Variants in SPAG16 observed in about 807,000 individuals in gnomAD.
SPAG16 encodes the protein sperm associated antigen 16.
SPAG16 carries 86 observed loss-of-function variants against 80.4 expected under a neutral mutation model. The observed-to-expected ratio is 1.07, with a 90% CI of 0.90 to 1.28. The LOEUF (loss-of-function observed/expected upper bound fraction) is 1.28, where lower values mean the gene tolerates loss of function less well. SPAG16 is among the 50% of genes most tolerant of loss of function. The probability of loss-of-function intolerance (pLI) is 0.00; values close to 1 mark genes in which losing one functional copy is unlikely to be tolerated. For missense variants in SPAG16, 870 were observed against 765.3 expected (o/e 1.14, Z -1.61); for synonymous variants, 294 against 265.9 (o/e 1.11, Z -1.03).
At chr2:214,026,461 A>T (rs2048137822) in intron 13 of SPAG16, among the ~76,000 whole-genome samples, 1 of 151,468 alleles carries the variant, frequency 6.6e-6, no homozygotes, top group African/African-American at 2.4e-5. Flanking sequence ...TGAAAGAATA[A>T]ATCTGCATAA....
chr2:213,563,181 G>C (rs2059650275), intron 10 of SPAG16, among the ~76,000 whole-genome samples: 1 of 151,818 alleles, frequency 6.6e-6, no homozygotes, highest in South Asian at 2.1e-4. Context: ...ATTAATTTTG[G>C]TTTTATATTC....
intron 10 of SPAG16, among the ~76,000 whole-genome samples, chr2:213,860,353 ATATATATATATG>A (rs1366241995): frequency 1.6e-5 from 2 of 127,088 alleles, no homozygotes; most frequent in African/African-American, 2.7e-5. Flanking sequence ...ATATATATAT[ATATATATATATG>A]TGTGTGTGTG....
At chr2:214,097,676 C>CGTGT (rs2052691806) in intron 13 of SPAG16, among the ~76,000 whole-genome samples, 1 of 151,504 alleles carries the variant, frequency 6.6e-6, no homozygotes, top group South Asian at 2.1e-4. Context: ...TGTGTGTGTG[C>CGTGT]GTGTGTGTGC....
intron 10 of SPAG16, among the ~76,000 whole-genome samples, chr2:213,833,246 T>G (rs1200714895): frequency 1.3e-5 from 2 of 148,974 alleles, no homozygotes; most frequent in Non-Finnish European, 3.0e-5. Flanking sequence ...TAAATGCTAT[T>G]GTTGCAGCAG....
At chr2:213,727,207 T>A (rs7585097) in intron 10 of SPAG16, among the ~76,000 whole-genome samples, 141,425 of 152,188 alleles carry the variant, frequency 0.93, 66,620 homozygotes, top group East Asian at 1. Context: ...GCCTTTACTG[T>A]TTCAATCAAT....
At chr2:213,447,323 C>T (rs2071382021) in intron 9 of SPAG16, among the ~76,000 whole-genome samples, 1 of 152,190 alleles carries the variant, frequency 6.6e-6, no homozygotes, top group Non-Finnish European at 1.5e-5. Context: ...ATTCCCCATT[C>T]TGAGCCCAGA....
chr2:214,037,568 C>A (rs2048763187), intron 13 of SPAG16, among the ~76,000 whole-genome samples: 1 of 151,894 alleles, frequency 6.6e-6, no homozygotes, highest in Non-Finnish European at 1.5e-5. Context: ...ACTTCTATAT[C>A]CTGTTCTGTG....
intron 11 of SPAG16, among the ~76,000 whole-genome samples, chr2:213,893,691 T>G (rs1405055235): frequency 1.3e-5 from 2 of 152,040 alleles, no homozygotes; most frequent in African/African-American, 4.8e-5. Flanking sequence ...CTTTATTATA[T>G]CTATAAGATA....
rs71037342 is a variant in SPAG16 at position 214,108,439 on chromosome 2, TCACACACACACACACA to T, written c.1593+204_1593+219del. 8.7e-4 allele frequency among the ~76,000 whole-genome samples: 109 copies of T among 125,124 alleles called. 3 individuals are homozygous for T. The highest frequency in any genetic ancestry group is 3.8e-3 in the Middle Eastern group (1 of 264). 82.1% of individuals were successfully genotyped at this position (125,124 alleles called of 152,430 possible). A position where few individuals can be genotyped will look rare whatever the true frequency, so the allele number is the denominator to read the frequency against. ...ATATAGGGTTGCAGAATTTTAAAAT[TCACACACACACACACA>T]CACACACACACACACACACACACAC... On this transcript the variant is annotated intron_variant, in intron 14 of 15. Coordinates refer to ENST00000331683, the MANE Select transcript of SPAG16 (RefSeq NM_024532.5).
chr2:213,865,097 A>G (rs1257400550), intron 11 of SPAG16, among the ~76,000 whole-genome samples: 2 of 152,024 alleles, frequency 1.3e-5, no homozygotes, highest in Non-Finnish European at 2.9e-5. Context: ...AGTAAACAAA[A>G]TTTGTAGTGG....
At chr2:213,457,416 G>C (rs2072086441) in intron 9 of SPAG16, among the ~76,000 whole-genome samples, 1 of 152,088 alleles carries the variant, frequency 6.6e-6, no homozygotes, top group African/African-American at 2.4e-5. Context: ...GTGGTTTCTT[G>C]TACTTCACAC....
intron 11 of SPAG16, among the ~76,000 whole-genome samples, chr2:213,903,222 A>C (rs1420460591): frequency 6.6e-6 from 1 of 151,922 alleles, no homozygotes; most frequent in Non-Finnish European, 1.5e-5. Context: ...CCCCGTAGGG[A>C]CTCTGCATGG....
intron 10 of SPAG16, among the ~76,000 whole-genome samples, chr2:213,642,820 CAAAAAAAAAAAAAAAA>C (rs766759239): frequency 8.8e-4 from 1 of 1,138 alleles, no homozygotes; most frequent in Non-Finnish European, 1.3e-3. Flanking sequence ...GACTCTGTCT[CAAAAAAAAAAAAAAAA>C]AAAAAAAAAA....
At position 214,195,333 on chromosome 2, in the gene SPAG16, A is replaced by ATAGATAGATAGATAGATAGG. The variant is rs1447965803; in HGVS notation, c.1720+46069_1720+46070insGATAGATAGATAGATAGGTA. 1.4e-4 allele frequency among the ~76,000 whole-genome samples: 21 copies of ATAGATAGATAGATAGATAGG among 152,080 alleles called. No individual in the cohort carries two copies. In the South Asian group the frequency reaches 4.2e-3, roughly 30 times the overall value. The stretch of plus-strand genomic sequence containing the variant: ...GATAGATAGATAGATAGATAGATAG[A>ATAGATAGATAGATAGATAGG]TATTTGAGAGATATATAGACTTGAC... On this transcript the variant is annotated intron_variant, in intron 15 of 15. Transcript: ENST00000331683.
chr2:213,573,856 A>G (rs141733944), intron 10 of SPAG16, among the ~76,000 whole-genome samples: 3 of 152,348 alleles, frequency 2.0e-5, no homozygotes, highest in African/African-American at 4.8e-5. Context: ...TATGAAATAC[A>G]TAAAGCTCTT....
chr2:214,171,879 G>A (rs913529733), intron 15 of SPAG16, among the ~76,000 whole-genome samples: 7 of 151,644 alleles, frequency 4.6e-5, no homozygotes, highest in African/African-American at 1.7e-4. Context: ...ACATTTTATT[G>A]TGTATATTTG....
At chr2:213,441,519 C>G (rs1332048216) in intron 9 of SPAG16, among the ~76,000 whole-genome samples, 1 of 152,124 alleles carries the variant, frequency 6.6e-6, no homozygotes, top group East Asian at 1.9e-4. Context: ...GTTGGACTTA[C>G]AAAGTATCAG....
At chr2:214,232,629 A>G (rs536655441) in intron 15 of SPAG16, among the ~76,000 whole-genome samples, 3 of 152,128 alleles carry the variant, frequency 2.0e-5, no homozygotes, top group South Asian at 4.1e-4. Context: ...AATTTATTCT[A>G]AAAGTGCCAA....
chr2:213,300,373 G>A (rs911982615), intron 3 of SPAG16, among the ~76,000 whole-genome samples: 1 of 152,148 alleles, frequency 6.6e-6, no homozygotes, highest in African/African-American at 2.4e-5. Flanking sequence ...ACTGACCCAA[G>A]CGAGAATGTT....
Sources: gnomAD v4.1 joint callset for allele counts (sites outside exome capture counted in the v4.1 genomes callset) on GRCh38, gnomAD v4.1.1 for gene constraint, MANE v1.5 for transcripts, NCBI Gene and HGNC (gene_info 2026-07-23, HGNC 2026-07-21) for gene names.